MLLT10: variants seen among roughly 807,000 people sequenced by gnomAD.
MLLT10 encodes MLLT10 histone lysine methyltransferase DOT1L cofactor.
Under a neutral mutation model 129.1 loss-of-function variants are expected in MLLT10, and 30 were observed. That is an observed-to-expected ratio of 0.23 (90% CI 0.17 to 0.32). MLLT10 has a LOEUF of 0.32. Ranked by LOEUF, MLLT10 falls within the 10% of genes least tolerant of loss-of-function variation. The pLI is 1.00. For missense variants in MLLT10, 1,119 were observed against 1,268.3 expected, an observed-to-expected ratio of 0.88 and a Z score of 1.79; for synonymous variants, 490 against 446.4, an observed-to-expected ratio of 1.10 and a Z score of -1.23.
intron 9 of MLLT10, among the ~76,000 whole-genome samples, chr10:21,665,953 T>G (rs2050748370): frequency 6.6e-6 from 1 of 151,954 alleles, no homozygotes; most frequent in Non-Finnish European, 1.5e-5. Flanking sequence ...TCGATCTGCC[T>G]GACTCCAAAA....
intron 8 of MLLT10, among the ~76,000 whole-genome samples, chr10:21,648,272 G>A (rs561835182): frequency 3.9e-5 from 6 of 152,296 alleles, no homozygotes; most frequent in Admixed American, 6.5e-5. Flanking sequence ...GTGTGTTCCA[G>A]TGAACACTTG....
At chr10:21,737,961 G>C (rs568165102) in intron 21 of MLLT10, among the ~76,000 whole-genome samples, 1 of 152,108 alleles carries the variant, frequency 6.6e-6, no homozygotes, top group African/African-American at 2.4e-5. Context: ...CACACTGCAT[G>C]TAAGTGTATA....
At chr10:21,566,940 A>G (rs879335402) in intron 3 of MLLT10, among the ~76,000 whole-genome samples, 1 of 151,962 alleles carries the variant, frequency 6.6e-6, no homozygotes, top group African/African-American at 2.4e-5. Context: ...CAGCCTCCCA[A>G]GTAGCTGGGA....
chr10:21,701,179 A>G (rs911203071), intron 13 of MLLT10, among the ~76,000 whole-genome samples: 11 of 149,308 alleles, frequency 7.4e-5, no homozygotes, highest in Non-Finnish European at 1.3e-4. Flanking sequence ...TCCTTTTTCA[A>G]TTTTGATTTT....
At chr10:21,717,556 C>T (rs1362785818) in intron 14 of MLLT10, among the ~76,000 whole-genome samples, 2 of 130,178 alleles carry the variant, frequency 1.5e-5, no homozygotes, top group East Asian at 5.4e-4. Context: ...CTTCTTTCTT[C>T]TTCTTTCTTC....
chr10:21,700,903 G>A (rs574392845), intron 13 of MLLT10, among the ~76,000 whole-genome samples: 1 of 152,246 alleles, frequency 6.6e-6, no homozygotes, highest in East Asian at 1.9e-4. Context: ...AAGAGGATTG[G>A]TATTAGTTCC....
At chr10:21,638,343 A>G (rs1468557919) in intron 8 of MLLT10, among the ~76,000 whole-genome samples, 1 of 151,920 alleles carries the variant, frequency 6.6e-6, no homozygotes, top group Non-Finnish European at 1.5e-5. Context: ...CTGACTTCTG[A>G]TATAACATAT....
intron 11 of MLLT10, among the ~76,000 whole-genome samples, chr10:21,674,338 G>T (rs376126909): frequency 1.3e-5 from 2 of 150,894 alleles, no homozygotes; most frequent in Non-Finnish European, 3.0e-5. Flanking sequence ...TTCAATTTTA[G>T]TAATCATTTT....
chr10:21,651,696 C>T lies in MLLT10; in HGVS notation c.723C>T (p.His241=). The change falls in exon 9 of 23, where the codon CAC becomes CAT. Residue 241 remains histidine (H), a synonymous_variant. Transcript: ENST00000307729. ...AGAAATATAAAGAGAAGGACAAACA[C>T]AAACAGAAACACAAGAAGCAGCCAG... is the stretch of plus-strand genomic sequence containing the variant. ...EKKKYKEKDK[H]KQKHKKQPEP... is the part of the protein sequence containing the mutation. 2 of 1,613,130 alleles carry T rather than the reference C, an allele frequency of 1.2e-6. No homozygotes were observed. The highest frequency in any genetic ancestry group is 2.2e-5 in the South Asian group (2 of 90,944).
chr10:21,730,902 C>A lies in MLLT10; in HGVS notation c.2066C>A (p.Ser689Tyr). ...SSPRGSLSPR[S>Y]PVSSLQIRYD... ...AACTTGAGAATTGTTTTCAACAGAT[C>A]CCCTGTAAGCAGCTTACAGATTCGC... The change falls in exon 17 of 23, where the codon TCC (serine) becomes TAC (tyrosine). Residue 689 changes from serine (S) to tyrosine (Y), a missense_variant and splice_region_variant. Ser to Tyr is a moderately radical substitution (Grantham distance 144). This residue lies in a region of MLLT10 where 1,004 missense variants were observed against 1,008.7 expected (regional missense o/e 1.00). Coordinates refer to ENST00000307729, the MANE Select transcript of MLLT10 (RefSeq NM_001195626.3). 6.2e-7 allele frequency: 1 copy of A among 1,614,054 alleles called. No homozygotes were observed. Among genetic ancestry groups the A allele is most frequent in the Non-Finnish European group, 8.5e-7 (1 of 1,179,974 alleles).
At chr10:21,586,205 A>T (rs2041968307) in intron 3 of MLLT10, 89 bp from the exon 4 acceptor site, 1 of 1,016,910 alleles carries the variant, frequency 9.8e-7, no homozygotes, top group Admixed American at 2.2e-5. Context: ...CTGCTCTCAC[A>T]TTTTCAGTAG....
chr10:21,677,519 A>C (rs911041340), intron 11 of MLLT10, among the ~76,000 whole-genome samples: 1 of 152,226 alleles, frequency 6.6e-6, no homozygotes, highest in Non-Finnish European at 1.5e-5. Flanking sequence ...GTGTACTTAA[A>C]TCATTCTTTT....
intron 3 of MLLT10, among the ~76,000 whole-genome samples, chr10:21,540,694 T>C (rs1314855251): frequency 6.6e-6 from 1 of 152,208 alleles, no homozygotes; most frequent in African/African-American, 2.4e-5. Flanking sequence ...TAAAATCTTA[T>C]TATATTTATT....
At chr10:21,564,279 T>TG (rs2039255488) in intron 3 of MLLT10, among the ~76,000 whole-genome samples, 1 of 152,142 alleles carries the variant, frequency 6.6e-6, no homozygotes, top group Non-Finnish European at 1.5e-5. Flanking sequence ...TTTGAAGAGA[T>TG]GGGGTCTTGC....
intron 8 of MLLT10, among the ~76,000 whole-genome samples, chr10:21,642,235 C>A (rs2048078041): frequency 6.6e-6 from 1 of 152,156 alleles, no homozygotes; most frequent in Non-Finnish European, 1.5e-5. Context: ...CGCCTGTAAT[C>A]CCAGCTACAC....
At chr10:21,739,981 G>C in intron 21 of MLLT10, 49 bp from the exon 22 acceptor site, 4 of 1,467,602 alleles carry the variant, frequency 2.7e-6, no homozygotes, top group African/African-American at 1.4e-5. Context: ...TCTGACTGCT[G>C]AATTCCGTGC....
intron 14 of MLLT10, among the ~76,000 whole-genome samples, chr10:21,721,242 TTGAA>T (rs2131544791): frequency 6.6e-6 from 1 of 152,316 alleles, no homozygotes; most frequent in South Asian, 2.1e-4. Context: ...TCCTGTATGA[TTGAA>T]GTATGAAGTT....
chr10:21,666,932 C>G (rs899333515), intron 9 of MLLT10, among the ~76,000 whole-genome samples: 1 of 152,112 alleles, frequency 6.6e-6, no homozygotes, highest in Non-Finnish European at 1.5e-5. Context: ...TTCTAATGCT[C>G]TTCCTTCTTT....
At chr10:21,636,422 G>A (rs1168244981) in intron 8 of MLLT10, among the ~76,000 whole-genome samples, 1 of 152,066 alleles carries the variant, frequency 6.6e-6, no homozygotes, top group South Asian at 2.1e-4. Context: ...GAGCCACTGC[G>A]ACCGGCCCAT....
Sources: gnomAD v4.1 joint callset for allele counts (sites outside exome capture counted in the v4.1 genomes callset) on GRCh38, gnomAD v4.1.1 for gene constraint, gnomAD v4.1.1 regional missense constraint, MANE v1.5 for transcripts, NCBI Gene and HGNC (gene_info 2026-07-23, HGNC 2026-07-21) for gene names.